The following TTC13 variants were observed in gnomAD, a reference collection of about 807,000 sequenced individuals.
TTC13 encodes tetratricopeptide repeat domain 13.
In TTC13, 62 loss-of-function variants were observed where a neutral mutation model predicts 120.0. That is an observed-to-expected ratio of 0.52 (90% CI 0.42 to 0.64). TTC13 has a LOEUF of 0.64. TTC13 is among the 30% of genes least tolerant of loss of function. The pLI is 0.00. For synonymous variants in TTC13, 384 were observed against 393.5 expected, an observed-to-expected ratio of 0.98 and a Z score of 0.28; for missense variants, 824 against 1,050.2, an observed-to-expected ratio of 0.78 and a Z score of 2.98.
intron 1 of TTC13, among the ~76,000 whole-genome samples, chr1:230,975,182 G>A (rs1678148536): frequency 6.6e-6 from 1 of 151,776 alleles, no homozygotes; most frequent in South Asian, 2.1e-4. Context: ...TGACCAGCCT[G>A]GGCAACATAG....
intron 1 of TTC13, among the ~76,000 whole-genome samples, chr1:230,962,627 G>T (rs1210433730): frequency 6.6e-6 from 1 of 152,166 alleles, no homozygotes; most frequent in South Asian, 2.1e-4. Flanking sequence ...ACTCAAACAA[G>T]TATTGTATAT....
intron 12 of TTC13, 67 bp from the exon 13 acceptor site, chr1:230,925,714 G>C (rs1021281917): frequency 2.5e-5 from 40 of 1,572,574 alleles, no homozygotes; most frequent in Non-Finnish European, 3.5e-5. Flanking sequence ...AATTCCACCT[G>C]AGAAGCAGTC....
intron 9 of TTC13, among the ~76,000 whole-genome samples, 155 bp downstream of exon 9, chr1:230,933,624 G>C (rs1216602382): frequency 6.6e-6 from 1 of 152,172 alleles, no homozygotes; most frequent in Non-Finnish European, 1.5e-5. Flanking sequence ...CTGCATTTCA[G>C]AGAAAATATC....
intron 4 of TTC13, among the ~76,000 whole-genome samples, chr1:230,953,031 C>T (rs1675738767): frequency 6.6e-6 from 1 of 152,190 alleles, no homozygotes; most frequent in South Asian, 2.1e-4. Flanking sequence ...CTGATATTTG[C>T]TCCTATAAAC....
chr1:230,970,943 CGAAGA>C (rs1412248535), intron 1 of TTC13, among the ~76,000 whole-genome samples: 1 of 152,144 alleles, frequency 6.6e-6, no homozygotes, highest in African/African-American at 2.4e-5. Context: ...GGTAAACCTG[CGAAGA>C]GAAGACAGAA....
chr1:230,973,799 C>G (rs183985739), intron 1 of TTC13, among the ~76,000 whole-genome samples: 206 of 152,176 alleles, frequency 1.4e-3, no homozygotes, highest in Non-Finnish European at 2.3e-3. Context: ...GCAGAGGGGC[C>G]GGGCGTGGTG....
chr1:230,909,448 T>A (rs190460170), intron 20 of TTC13, among the ~76,000 whole-genome samples: 1 of 152,194 alleles, frequency 6.6e-6, no homozygotes, highest in Non-Finnish European at 1.5e-5. Flanking sequence ...CTGACCAACA[T>A]GGCAAAACCC....
At chr1:230,924,797 C>T (rs746364986) in intron 14 of TTC13, 44 bp downstream of exon 14, 36 of 1,609,966 alleles carry the variant, frequency 2.2e-5, no homozygotes, top group Admixed American at 3.3e-5. Context: ...CGTTATTTGA[C>T]AATGATAAGA....
chr1:230,959,432 A>G (rs1261668220), intron 2 of TTC13, among the ~76,000 whole-genome samples: 1 of 151,712 alleles, frequency 6.6e-6, no homozygotes, highest in Non-Finnish European at 1.5e-5. Context: ...CCCAGGCTTG[A>G]GTGCAATGGC....
intron 18 of TTC13, among the ~76,000 whole-genome samples, chr1:230,915,096 G>C (rs1671885272): frequency 6.6e-6 from 1 of 152,182 alleles, no homozygotes; most frequent in African/African-American, 2.4e-5. Context: ...TAGAGATCAA[G>C]ACTTCAAAGA....
intron 1 of TTC13, among the ~76,000 whole-genome samples, chr1:230,962,210 CA>C (rs35386237): frequency 0.016 from 2,203 of 138,128 alleles, 30 homozygotes; most frequent in Non-Finnish European, 0.022. Context: ...AACTCTGACT[CA>C]AAAAAAAAAA....
At chr1:230,964,855 A>C (rs757585012) in intron 1 of TTC13, among the ~76,000 whole-genome samples, 17 of 152,216 alleles carry the variant, frequency 1.1e-4, no homozygotes, top group Non-Finnish European at 2.4e-4. Flanking sequence ...TTTTTGACAA[A>C]GGTGCCAAGA....
chr1:230,945,698 C>A (rs1452034021), intron 4 of TTC13, among the ~76,000 whole-genome samples: 1 of 152,158 alleles, frequency 6.6e-6, no homozygotes, highest in Non-Finnish European at 1.5e-5. Context: ...CAACATTACG[C>A]AGAAACATGC....
At chr1:230,933,670 C>A in intron 9 of TTC13, 109 bp downstream of exon 9, 1 of 568,286 alleles carries the variant, frequency 1.8e-6, no homozygotes, top group Non-Finnish European at 3.1e-6. Context: ...TTCAAAATAC[C>A]CATCTCCTTT....
rs768983512 is a variant in TTC13, at chr1:230,931,728, A to G, written c.1125+8T>C. On this transcript the variant is annotated splice_region_variant and intron_variant, in intron 10 of 22. Coordinates refer to ENST00000366661, the MANE Select transcript of TTC13 (RefSeq NM_024525.5). ...CCAATTACAGTGTTCTTATTTATGGATGCTCACCTTAAAGTTCTTAAGGGC... is the reference window on the plus strand; with the variant it reads ...CCAATTACAGTGTTCTTATTTATGGGTGCTCACCTTAAAGTTCTTAAGGGC... 6.2e-7 allele frequency: 1 copy of G among 1,613,290 alleles called. No homozygotes were observed. Among genetic ancestry groups the G allele is most frequent in the South Asian group, 1.1e-5 (1 of 90,872 alleles).
chr1:230,939,683 T>C lies in TTC13; in HGVS notation c.790-187A>G, dbSNP rs549619052. 9.3e-4 allele frequency among the ~76,000 whole-genome samples: 142 copies of C among 151,910 alleles called. 1 individual carries two copies. Among genetic ancestry groups the C allele is most frequent in the Non-Finnish European group, 1.7e-3 (117 of 67,954 alleles). ...TACTACTCATTCAAACAGTTGGGAG[T>C]TTTTTAAGAAAAGCGATTGTGAGAA... On this transcript the variant is annotated intron_variant, in intron 7 of 22. Transcript: ENST00000366661.
chr1:230,964,411 T>C (rs1036572809), intron 1 of TTC13, among the ~76,000 whole-genome samples: 13 of 152,204 alleles, frequency 8.5e-5, no homozygotes, highest in African/African-American at 3.1e-4. Context: ...AGAAGGTCCA[T>C]TTCCCTCCAG....
In TTC13 at chr1:230,944,132, A is replaced by G. The variant is rs931216547; in HGVS notation, c.580-234T>C. Among the ~76,000 whole-genome samples the G allele has an allele frequency of 6.6e-6, 1 of 152,214 alleles. No homozygotes were observed. The highest frequency in any genetic ancestry group is 6.5e-5 in the Admixed American group (1 of 15,276). ...AATAACATGTTAGACCCGGCTACCT[A>G]TCACAAATTCCACAGATGGCAGGAT... On this transcript the variant is annotated intron_variant, in intron 5 of 22. Transcript: ENST00000366661. The surrounding 1 kb of genome is among the most constrained non-coding windows in gnomAD (Gnocchi z 4.0).
chr1:230,934,712 A>C (rs1673880946), intron 8 of TTC13, among the ~76,000 whole-genome samples: 1 of 152,230 alleles, frequency 6.6e-6, no homozygotes, highest in African/African-American at 2.4e-5. Context: ...ACTTTTCCTA[A>C]GGAAAAGACA....
Sources: gnomAD v4.1 joint callset for allele counts (sites outside exome capture counted in the v4.1 genomes callset) on GRCh38, gnomAD v4.1.1 for gene constraint, Gnocchi (gnomAD v3.1) non-coding constraint, MANE v1.5 for transcripts, NCBI Gene and HGNC (gene_info 2026-07-23, HGNC 2026-07-21) for gene names.